Variants in ANKS1B observed in about 807,000 individuals in gnomAD.
ANKS1B encodes the protein ankyrin repeat and sterile alpha motif domain containing 1B, also known as ankyrin repeat and sterile alpha motif domain-containing protein 1B.
ANKS1B carries 36 observed loss-of-function variants against 148.3 expected under a neutral mutation model. The observed-to-expected ratio is 0.24, with a 90% CI of 0.19 to 0.32. The LOEUF (loss-of-function observed/expected upper bound fraction) is 0.32, where lower values mean the gene tolerates loss of function less well. ANKS1B is among the 10% of genes least tolerant of loss of function. The pLI, the probability that ANKS1B is intolerant of heterozygous loss-of-function variation, is 1.00. For synonymous variants in ANKS1B, 542 were observed against 560.8 expected (o/e 0.97, Z 0.47); for missense variants, 1,157 against 1,542.6 (o/e 0.75, Z 4.19).
chr12:99,918,241 A>T (rs533892494), intron 1 of ANKS1B, among the ~76,000 whole-genome samples: 2 of 152,316 alleles, frequency 1.3e-5, no homozygotes, highest in Non-Finnish European at 2.9e-5. Flanking sequence ...ACTAAGGGGT[A>T]GAAGTAGAAT....
chr12:98,840,715 T>C (rs2099401117), intron 17 of ANKS1B, among the ~76,000 whole-genome samples: 1 of 152,202 alleles, frequency 6.6e-6, no homozygotes, highest in Non-Finnish European at 1.5e-5. Context: ...ATGAAGGTAC[T>C]AATTTTCTGA....
rs148610068 is a variant in ANKS1B, at chr12:98,976,891, G to T, written c.2778+76266C>A. 1.4e-3 allele frequency among the ~76,000 whole-genome samples: 211 copies of T among 152,242 alleles called. 3 individuals are homozygous for T. The highest frequency in any genetic ancestry group is 5.0e-3 in the African/African-American group (207 of 41,564). On this transcript the variant is annotated intron_variant, in intron 17 of 26. Coordinates refer to ENST00000683438, the MANE Select transcript of ANKS1B (RefSeq NM_001352186.2). The stretch of plus-strand genomic sequence containing the variant: ...AGCTTTCTAAACATGTATTTATTTT[G>T]TTTTGCCTTGAAGTAATTAGCTATT...
At position 98,755,873 on chromosome 12, in the gene ANKS1B, G is replaced by T. The variant is rs1412316490; in HGVS notation, c.3580-4351C>A. Reference sequence around the variant, plus strand: ...AACTCTCCCCTCCCGTGCACACCATGGTGTTCCCCTGTTGAGAAGTCGAAT... The same window carrying T: ...AACTCTCCCCTCCCGTGCACACCATTGTGTTCCCCTGTTGAGAAGTCGAAT... On this transcript the variant is annotated intron_variant, in intron 25 of 26. Transcript: ENST00000683438. Among the ~76,000 whole-genome samples the T allele has an allele frequency of 2.6e-5, 4 of 152,162 alleles. No individual in the cohort carries two copies. In the East Asian group the frequency reaches 7.7e-4, roughly 29 times the overall value.
intron 11 of ANKS1B, among the ~76,000 whole-genome samples, chr12:99,429,986 A>T (rs927019076): frequency 6.6e-6 from 1 of 151,854 alleles, no homozygotes; most frequent in Non-Finnish European, 1.5e-5. Context: ...AAATAAAAAT[A>T]AAAAATAACA....
intron 10 of ANKS1B, among the ~76,000 whole-genome samples, chr12:99,447,933 T>C (rs2095662773): frequency 6.6e-6 from 1 of 151,936 alleles, no homozygotes; most frequent in African/African-American, 2.4e-5. Context: ...ATGGCTTTTA[T>C]AAAAAAGACA....
chr12:99,635,932 C>G (rs569073762), intron 9 of ANKS1B, among the ~76,000 whole-genome samples: 1 of 151,696 alleles, frequency 6.6e-6, no homozygotes, highest in African/African-American at 2.4e-5. Flanking sequence ...TAAAACTATA[C>G]GAAGAAAATA....
At chr12:99,687,245 C>G (rs890204680) in intron 8 of ANKS1B, among the ~76,000 whole-genome samples, 1 of 151,950 alleles carries the variant, frequency 6.6e-6, no homozygotes, top group Non-Finnish European at 1.5e-5. Flanking sequence ...CCTTTTTTCT[C>G]TGGCTGCTTT....
intron 11 of ANKS1B, among the ~76,000 whole-genome samples, chr12:99,422,662 G>A (rs574947128): frequency 1.3e-5 from 2 of 152,206 alleles, no homozygotes; most frequent in South Asian, 4.2e-4. Context: ...TGATGTGTTC[G>A]GGATACAAAA....
intron 1 of ANKS1B, among the ~76,000 whole-genome samples, chr12:99,968,561 C>A (rs2095518746): frequency 2.1e-5 from 2 of 95,134 alleles, no homozygotes; most frequent in Non-Finnish European, 4.9e-5. Context: ...CTGTCTCAAT[C>A]AATCAATCAA....
chr12:99,351,248 C>T (rs1344976398), intron 12 of ANKS1B, among the ~76,000 whole-genome samples: 1 of 151,968 alleles, frequency 6.6e-6, no homozygotes, highest in Admixed American at 6.6e-5. Context: ...ATGAGTCGTA[C>T]AGGTTTTACG....
At chr12:99,132,316 G>A (rs2066370694) in intron 15 of ANKS1B, among the ~76,000 whole-genome samples, 1 of 152,072 alleles carries the variant, frequency 6.6e-6, no homozygotes, top group Non-Finnish European at 1.5e-5. Flanking sequence ...TCAGCTAGGA[G>A]GAAGAAATAG....
intron 15 of ANKS1B, among the ~76,000 whole-genome samples, chr12:99,153,824 A>G (rs1257131973): frequency 6.6e-6 from 1 of 152,222 alleles, no homozygotes; most frequent in Non-Finnish European, 1.5e-5. Context: ...TAAACTGCTT[A>G]TTGAACAATT....
At chr12:99,737,344 A>G (rs985158477) in intron 8 of ANKS1B, among the ~76,000 whole-genome samples, 2 of 152,164 alleles carry the variant, frequency 1.3e-5, no homozygotes, top group Non-Finnish European at 2.9e-5. Context: ...ACAGTGAAAT[A>G]CTTGTTGTCC....
At chr12:99,915,769 CT>C (rs1314841997) in intron 1 of ANKS1B, among the ~76,000 whole-genome samples, 12 of 152,294 alleles carry the variant, frequency 7.9e-5, no homozygotes, top group African/African-American at 2.9e-4. Context: ...AATTTACCGT[CT>C]CACAGTTTTG....
At chr12:99,771,744 G>C (rs963184612) in intron 8 of ANKS1B, among the ~76,000 whole-genome samples, 15 of 151,938 alleles carry the variant, frequency 9.9e-5, no homozygotes, top group African/African-American at 3.6e-4. Flanking sequence ...ATAATAGGAT[G>C]TTTTTACAAA....
rs151255135 is a variant in ANKS1B at position 99,115,571 on chromosome 12, C to T, written c.2527-30548G>A. Among the ~76,000 whole-genome samples the T allele has an allele frequency of 5.3e-5, 8 of 152,118 alleles. No individual in the cohort carries two copies. In the East Asian group the frequency reaches 1.5e-3, roughly 29 times the overall value. On this transcript the variant is annotated intron_variant, in intron 15 of 26. Coordinates refer to ENST00000683438, the MANE Select transcript of ANKS1B (RefSeq NM_001352186.2). ...TAATCTGTACAACAAACCCTCGTGA[C>T]ACTAGTTTACCTATGTAACAAACCT...
intron 4 of ANKS1B, among the ~76,000 whole-genome samples, chr12:99,799,438 C>A (rs1274439921): frequency 1.3e-5 from 2 of 152,160 alleles, no homozygotes; most frequent in African/African-American, 4.8e-5. Flanking sequence ...CAGTTTGTTT[C>A]CATTATAGCA....
chr12:99,055,583 C>G (rs2099969103), intron 16 of ANKS1B, among the ~76,000 whole-genome samples: 1 of 152,002 alleles, frequency 6.6e-6, no homozygotes, highest in Non-Finnish European at 1.5e-5. Flanking sequence ...ATCAGGGAAC[C>G]CATGACAGGA....
chr12:99,398,491 T>C (rs551661875), intron 12 of ANKS1B, among the ~76,000 whole-genome samples: 2 of 152,278 alleles, frequency 1.3e-5, no homozygotes, highest in South Asian at 2.1e-4. Flanking sequence ...TTTTGAATCA[T>C]GTTTCTTGGA....
Sources: allele counts gnomAD v4.1 joint callset (sites outside exome capture counted in the v4.1 genomes callset), GRCh38; gene constraint gnomAD v4.1.1; transcripts MANE v1.5; gene names NCBI Gene and HGNC (gene_info 2026-07-23, HGNC 2026-07-21).